Variants in KLHL13 observed in about 807,000 individuals in gnomAD.
The protein encoded by KLHL13 is kelch like family member 13, also known as kelch-like protein 13.
KLHL13 carries 10 observed loss-of-function variants against 37.1 expected under a neutral mutation model. The ratio of observed to expected loss-of-function variants is 0.27; its 90% CI spans 0.17 to 0.46. KLHL13 has a LOEUF of 0.46. Ranked by LOEUF, KLHL13 falls within the 20% of genes least tolerant of loss-of-function variation. The pLI, the probability that KLHL13 is intolerant of heterozygous loss-of-function variation, is 1.00. For synonymous variants in KLHL13, 163 were observed against 181.2 expected (o/e 0.90, Z 0.81); for missense variants, 360 against 509.3 (o/e 0.71, Z 2.82).
chrX:118,112,154 G>A (rs1247833866), intron 1 of KLHL13, among the ~76,000 whole-genome samples: 1 of 111,615 alleles, frequency 9.0e-6, no homozygotes, highest in Non-Finnish European at 1.9e-5. Context: ...AAACCACTTC[G>A]GAACACCAAA....
At chrX:118,045,552 C>T (rs1348585833) in intron 1 of KLHL13, among the ~76,000 whole-genome samples, 1 of 110,079 alleles carries the variant, frequency 9.1e-6, no homozygotes, top group Non-Finnish European at 1.9e-5. Flanking sequence ...GCCTGTAATC[C>T]CAGCACTTTG....
At chrX:118,081,133 C>T (rs2054988298) in intron 1 of KLHL13, among the ~76,000 whole-genome samples, 1 of 111,230 alleles carries the variant, frequency 9.0e-6, no homozygotes, top group Non-Finnish European at 1.9e-5. Context: ...CAGAGTGGGG[C>T]ATGGGTTAAA....
intron 1 of KLHL13, among the ~76,000 whole-genome samples, chrX:118,088,492 T>C (rs904983696): frequency 2.7e-5 from 3 of 112,001 alleles, no homozygotes; most frequent in Non-Finnish European, 5.6e-5. Context: ...ATAAGTAAAT[T>C]CTTACAGATA....
intron 1 of KLHL13, among the ~76,000 whole-genome samples, chrX:118,097,299 A>T (rs1392601730): frequency 1.8e-5 from 2 of 111,686 alleles, no homozygotes; most frequent in African/African-American, 6.5e-5. Flanking sequence ...ACAAACAGAG[A>T]ACCAGATCAT....
Position 118,052,673 on chromosome X carries a change from AC to A in KLHL13, c.-56+63834del, listed in dbSNP as rs779050791. On this transcript the variant is annotated intron_variant, in intron 1 of 6. Transcript: ENST00000371882. ...AAACCCCGTCTCTACTAAAAAAAAA[AC>A]AAAATACAAAAAATTAGCTGGGCGC... Among the ~76,000 whole-genome samples the A allele has an allele frequency of 1.4e-3, 151 of 109,941 alleles. 2 individuals carry two copies. The highest frequency in any genetic ancestry group is 4.9e-3 in the African/African-American group (147 of 30,216).
At chrX:118,110,218 T>C (rs983150834) in intron 1 of KLHL13, among the ~76,000 whole-genome samples, 4 of 110,436 alleles carry the variant, frequency 3.6e-5, no homozygotes, top group African/African-American at 1.3e-4. Flanking sequence ...TTTGCATGTT[T>C]TTAATCTTAA....
chrX:118,092,399 G>T (rs140271168), intron 1 of KLHL13, among the ~76,000 whole-genome samples: 136 of 110,792 alleles, frequency 1.2e-3, no homozygotes, highest in African/African-American at 4.4e-3. Context: ...AGACACAAAG[G>T]ATTTTTCAAG....
At chrX:118,032,617 T>C (rs890082749) in intron 1 of KLHL13, among the ~76,000 whole-genome samples, 1 of 110,842 alleles carries the variant, frequency 9.0e-6, no homozygotes, top group African/African-American at 3.3e-5. Context: ...AGACCAAAAG[T>C]AGATAAAACC....
intron 1 of KLHL13, among the ~76,000 whole-genome samples, chrX:117,949,157 C>G (rs1286484720): frequency 8.9e-6 from 1 of 112,266 alleles, no homozygotes; most frequent in Non-Finnish European, 1.9e-5. Context: ...AGAATATGCA[C>G]AAAGATTCTA....
chrX:117,968,984 T>C (rs1238107115), intron 1 of KLHL13, among the ~76,000 whole-genome samples: 3 of 111,553 alleles, frequency 2.7e-5, no homozygotes, highest in Non-Finnish European at 5.7e-5. Flanking sequence ...AATGTTGTGT[T>C]TTTTGGCATT....
chrX:117,996,866 A>G (rs1459854263), intron 1 of KLHL13, among the ~76,000 whole-genome samples: 1 of 110,701 alleles, frequency 9.0e-6, no homozygotes, highest in African/African-American at 3.3e-5. Context: ...CTATGCTCAC[A>G]TATTATTTGC....
rs867028613 is a variant in KLHL13, at chrX:118,009,862, A to G, written c.-55-64287T>C. 8.6e-3 allele frequency among the ~76,000 whole-genome samples: 842 copies of G among 98,068 alleles called. 17 individuals are homozygous for G. Among genetic ancestry groups the G allele is most frequent in the African/African-American group, 0.029 (780 of 26,631 alleles). 85.2% of individuals were successfully genotyped at this position (98,068 alleles called of 115,157 possible). A position where few individuals can be genotyped will look rare whatever the true frequency, so the allele number is the denominator to read the frequency against. On this transcript the variant is annotated intron_variant, in intron 1 of 6. Coordinates refer to the KLHL13 transcript ENST00000371882. The stretch of plus-strand genomic sequence containing the variant: ...TGGGCAGTATGGCCATTTTCACGAT[A>G]TTGATTCTTCCTACCCATGAGCATG...
intron 1 of KLHL13, among the ~76,000 whole-genome samples, chrX:118,032,311 G>T (rs755583211): frequency 2.7e-5 from 3 of 112,340 alleles, no homozygotes; most frequent in Non-Finnish European, 5.6e-5. Context: ...CAAAAAGACA[G>T]CAGTAACCTC....
At chrX:117,966,941 T>C (rs1429808682) in intron 1 of KLHL13, among the ~76,000 whole-genome samples, 1 of 111,713 alleles carries the variant, frequency 9.0e-6, no homozygotes, top group African/African-American at 3.3e-5. Context: ...ATGTTAGACC[T>C]AAAACCATAA....
intron 1 of KLHL13, among the ~76,000 whole-genome samples, chrX:117,983,268 A>G (rs893451643): frequency 1.8e-5 from 2 of 111,311 alleles, no homozygotes; most frequent in African/African-American, 6.5e-5. Context: ...TGTTTGTGAA[A>G]GCATGTTGGA....
At chrX:118,005,106 A>C (rs1222384966) in intron 1 of KLHL13, among the ~76,000 whole-genome samples, 1 of 111,763 alleles carries the variant, frequency 8.9e-6, no homozygotes, top group Non-Finnish European at 1.9e-5. Context: ...GGATAACTGG[A>C]AAAAATTTGA....
At chrX:117,983,490 A>AT in intron 1 of KLHL13, 2 of 1,145,562 alleles carry the variant, frequency 1.7e-6, no homozygotes, top group South Asian at 1.9e-5. Flanking sequence ...CCTGAAGTTG[A>AT]TTTTTTGAAT....
At chrX:117,957,930 T>TA (rs1227807589) in intron 1 of KLHL13, among the ~76,000 whole-genome samples, 3 of 111,982 alleles carry the variant, frequency 2.7e-5, no homozygotes, top group Non-Finnish European at 3.8e-5. Context: ...AACAGATTTT[T>TA]AAAAAAACCT....
chrX:117,972,334 G>A (rs896964296), intron 1 of KLHL13, among the ~76,000 whole-genome samples: 1 of 111,781 alleles, frequency 8.9e-6, no homozygotes, highest in Non-Finnish European at 1.9e-5. Flanking sequence ...TAGTAAAGAG[G>A]CATTACCATA....
Sources: allele counts gnomAD v4.1 joint callset (sites outside exome capture counted in the v4.1 genomes callset), GRCh38; gene constraint gnomAD v4.1.1; transcripts MANE v1.5; gene names NCBI Gene and HGNC (gene_info 2026-07-23, HGNC 2026-07-21).